GASK1A: variants seen among roughly 807,000 people sequenced by gnomAD.
GASK1A encodes golgi associated kinase 1A.
A neutral mutation model predicts 41.2 loss-of-function variants in GASK1A; 40 were observed. The observed-to-expected ratio is 0.97, with a 90% CI of 0.75 to 1.27. The LOEUF (loss-of-function observed/expected upper bound fraction) is 1.27, where lower values mean the gene tolerates loss of function less well. GASK1A is among the 50% of genes most tolerant of loss of function. The pLI, the probability that GASK1A is intolerant of heterozygous loss-of-function variation, is 0.00. For synonymous variants in GASK1A, 316 were observed against 307.1 expected, an observed-to-expected ratio of 1.03 and a Z score of -0.30; for missense variants, 678 against 745.1, an observed-to-expected ratio of 0.91 and a Z score of 1.05.
chr3:43,055,402 C>A (rs1180192474), intron 3 of GASK1A, 30 bp from the exon 4 acceptor site: 1 of 1,512,372 alleles, frequency 6.6e-7, no homozygotes. Flanking sequence ...CCCTTACCCA[C>A]CTCTGTCTCT....
At position 43,034,494 on chromosome 3, in the gene GASK1A, T is replaced by C. The variant is rs147811823; in HGVS notation, c.1290+941T>C. On this transcript the variant is annotated intron_variant, in intron 2 of 4. Transcript: ENST00000430121. ...CCATAGATACACATGTGTGGAAACA[T>C]GGCCAGACAGAAACAAAGACAAAAA... is the stretch of plus-strand genomic sequence containing the variant. Among the ~76,000 whole-genome samples the C allele has an allele frequency of 4.3e-3, 660 of 152,234 alleles. 3 individuals carry two copies. The highest frequency in any genetic ancestry group is 0.017 in the Middle Eastern group (5 of 294).
In GASK1A at chr3:42,979,475, C is replaced by T. The variant is rs1243397873; in HGVS notation, c.-168C>T. ...CGAGAGTTGGCGCAGGGCCACTTGGCTGCAGAGAACGTGTGCACCTTCAGT... is the reference window on the plus strand; with the variant it reads ...CGAGAGTTGGCGCAGGGCCACTTGGTTGCAGAGAACGTGTGCACCTTCAGT... On this transcript the variant is annotated 5_prime_UTR_variant, in exon 1 of 5. Coordinates refer to ENST00000430121, the MANE Select transcript of GASK1A (RefSeq NM_001129908.3). 1 of 638,272 alleles carries T rather than the reference C, an allele frequency of 1.6e-6. No individual in the cohort carries two copies. The highest frequency in any genetic ancestry group is 2.2e-6 in the Non-Finnish European group (1 of 445,910). The allele number at this position is 638,272 out of a possible 1,614,324, so 39.5% of individuals were successfully genotyped here.
chr3:43,054,667 A>C (rs903302091), intron 3 of GASK1A, among the ~76,000 whole-genome samples: 7 of 152,176 alleles, frequency 4.6e-5, no homozygotes, highest in African/African-American at 1.4e-4. Context: ...GCTATTTGGG[A>C]AAGGAGTGCA....
intron 3 of GASK1A, chr3:43,054,202 T>A (rs1258026977): frequency 5.0e-6 from 1 of 198,108 alleles, no homozygotes; most frequent in African/African-American, 2.3e-5. Flanking sequence ...GGGAAGGGCT[T>A]CTCTATCTTC....
Position 43,056,337 on chromosome 3 carries a change from G to C in GASK1A, c.1679G>C (p.Gly560Ala), listed in dbSNP as rs961520760. The C allele has an allele frequency of 1.9e-6, 3 of 1,551,148 alleles. No homozygotes were observed. The African/African-American group carries it at 4.1e-5, about 21-fold the overall frequency. ...TLEQRGQVLL[G>A]HIQKHNLTLF... ...GAGCAGCGAGGACAGGTGCTGCTGG[G>C]ACACATCCAAAAGCACAACCTCACA... The change falls in exon 5 of 5, where the codon GGA (glycine) becomes GCA (alanine). Residue 560 changes from glycine to alanine, a missense_variant. By Grantham distance (60) the Gly-to-Ala change is moderately conservative. Transcript: ENST00000430121.
rs1030685433 is a variant in GASK1A at position 42,979,326 on chromosome 3, C to T, written c.-317C>T. ...CGCGGCAGGGACTTTGCAAACTCTG[C>T]AAAAGTCCCGAGTAGACCGCAGAGG... On this transcript the variant is annotated 5_prime_UTR_variant, in exon 1 of 5. Transcript: ENST00000430121. 5 of 340,204 alleles carry T rather than the reference C, an allele frequency of 1.5e-5. No individual in the cohort carries two copies. In the East Asian group the frequency reaches 2.1e-4, roughly 15 times the overall value. The allele number at this position is 340,204 out of a possible 1,614,324, so 21.1% of individuals were successfully genotyped here. A position where few individuals can be genotyped will look rare whatever the true frequency, so the allele number is the denominator to read the frequency against.
At chr3:42,999,463 G>A (rs933777590) in intron 1 of GASK1A, among the ~76,000 whole-genome samples, 1 of 152,182 alleles carries the variant, frequency 6.6e-6, no homozygotes, top group Non-Finnish European at 1.5e-5. Flanking sequence ...GGGCTGTGGG[G>A]AGGAGAGGAG....
intron 1 of GASK1A, among the ~76,000 whole-genome samples, chr3:42,994,967 T>C (rs1008842267): frequency 1.3e-5 from 2 of 152,184 alleles, no homozygotes; most frequent in Non-Finnish European, 2.9e-5. Flanking sequence ...CAGGTGGCAA[T>C]TGAACACCTG....
At chr3:43,014,728 A>T (rs2089481198) in intron 1 of GASK1A, among the ~76,000 whole-genome samples, 1 of 152,038 alleles carries the variant, frequency 6.6e-6, no homozygotes, top group Non-Finnish European at 1.5e-5. Flanking sequence ...ATGAAGTCAC[A>T]GGCAGGGTTC....
chr3:43,010,448 A>G (rs1455696295), intron 1 of GASK1A, among the ~76,000 whole-genome samples: 2 of 152,242 alleles, frequency 1.3e-5, no homozygotes, highest in Non-Finnish European at 1.5e-5. Flanking sequence ...GAAATACAGT[A>G]GAGTGGGCTG....
At chr3:43,047,173 T>A (rs1053492055) in intron 2 of GASK1A, among the ~76,000 whole-genome samples, 3 of 152,182 alleles carry the variant, frequency 2.0e-5, no homozygotes, top group Non-Finnish European at 4.4e-5. Flanking sequence ...CACTGACAGC[T>A]TGCACTGTGC....
rs185449346 is a variant in GASK1A at position 42,982,803 on chromosome 3, T to C, written c.3+3158T>C. On this transcript the variant is annotated intron_variant, in intron 1 of 4. Transcript: ENST00000430121. ...GGCCCAGCGTGCTGTGGGAGGAGTTTCCTCTTGCCTGTCTTCACTCTGTGC... is the reference window on the plus strand; with the variant it reads ...GGCCCAGCGTGCTGTGGGAGGAGTTCCCTCTTGCCTGTCTTCACTCTGTGC... 5.9e-5 allele frequency among the ~76,000 whole-genome samples: 9 copies of C among 152,336 alleles called. No homozygotes were observed. In the East Asian group the frequency reaches 1.7e-3, roughly 29 times the overall value.
chr3:42,997,707 ATC>A (rs2089384175), intron 1 of GASK1A, among the ~76,000 whole-genome samples: 1 of 152,208 alleles, frequency 6.6e-6, no homozygotes, highest in South Asian at 2.1e-4. Flanking sequence ...TTTGACAGTT[ATC>A]TCATTTAATT....
At chr3:43,000,490 T>C (rs2089403183) in intron 1 of GASK1A, among the ~76,000 whole-genome samples, 1 of 152,218 alleles carries the variant, frequency 6.6e-6, no homozygotes, top group Admixed American at 6.5e-5. Context: ...AAGAGAGAGA[T>C]GAAGGAATCT....
chr3:43,017,130 T>C (rs982438379), intron 1 of GASK1A, among the ~76,000 whole-genome samples: 4 of 139,208 alleles, frequency 2.9e-5, no homozygotes, highest in African/African-American at 8.2e-5. Context: ...AAATCACAGA[T>C]AGAGGCAGTG....
At chr3:43,029,438 A>C (rs2089564008) in intron 1 of GASK1A, among the ~76,000 whole-genome samples, 2 of 151,864 alleles carry the variant, frequency 1.3e-5, no homozygotes, top group Non-Finnish European at 2.9e-5. Flanking sequence ...CAGGAGGAGG[A>C]GGTTCAGGGG....
chr3:43,010,979 A>G (rs143639742), intron 1 of GASK1A, among the ~76,000 whole-genome samples: 2,271 of 151,644 alleles, frequency 0.015, 57 homozygotes, highest in African/African-American at 0.048. Flanking sequence ...ACCTTCCCCA[A>G]CTCCCCCCTC....
rs137924368 is a variant in GASK1A, at chr3:43,056,534, T to C, written c.*148T>C. The C allele has an allele frequency of 5.1e-3, 3,407 of 664,348 alleles. 79 individuals carry two copies. In the African/African-American group the frequency reaches 0.054, roughly 10 times the overall value. 41.2% of individuals were successfully genotyped at this position (664,348 alleles called of 1,614,324 possible). A position where few individuals can be genotyped will look rare whatever the true frequency, so the allele number is the denominator to read the frequency against. ...TTTCACCTGCCTGGGATGGTGGAGG[T>C]AGTATGGGGTTTTCAATCTCAAAGC... On this transcript the variant is annotated 3_prime_UTR_variant, in exon 5 of 5. Transcript: ENST00000430121.
At chr3:43,015,929 G>A (rs573001361) in intron 1 of GASK1A, among the ~76,000 whole-genome samples, 1 of 152,052 alleles carries the variant, frequency 6.6e-6, no homozygotes. Context: ...AAAGGAAGGG[G>A]CAGTGTAAAG....
Sources: allele counts gnomAD v4.1 joint callset (sites outside exome capture counted in the v4.1 genomes callset), GRCh38; gene constraint gnomAD v4.1.1; transcripts MANE v1.5; gene names NCBI Gene and HGNC (gene_info 2026-07-23, HGNC 2026-07-21).